The following METTL4 variants were observed in gnomAD, a reference collection of about 807,000 sequenced individuals.
The protein encoded by METTL4 is N(6)-adenine-specific methyltransferase METTL4.
In METTL4, 40 loss-of-function variants were observed where a neutral mutation model predicts 54.0. The observed-to-expected ratio is 0.74, with a 90% CI of 0.58 to 0.96. METTL4 has a LOEUF of 0.96. Among genes scored for constraint, METTL4 ranks in the 50% least tolerant of loss-of-function variants. The pLI is 0.00. For missense variants in METTL4, 525 were observed against 549.0 expected, an observed-to-expected ratio of 0.96 and a Z score of 0.44; for synonymous variants, 169 against 183.8, an observed-to-expected ratio of 0.92 and a Z score of 0.65.
At position 2,554,842 on chromosome 18, in the gene METTL4, A is replaced by C. The variant is rs2072214145; in HGVS notation, c.656T>G (p.Leu219Ter). 1 of 1,613,796 alleles carries C rather than the reference A, an allele frequency of 6.2e-7. No homozygotes were observed. The highest frequency in any genetic ancestry group is 8.5e-7 in the Non-Finnish European group (1 of 1,179,874). Residue 219 changes from leucine to a stop codon, truncating the protein, a stop_gained, in exon 4 of 9, where the codon TTA (leucine) becomes TGA (stop). Coordinates refer to ENST00000574538, the MANE Select transcript of METTL4 (RefSeq NM_022840.5). LOFTEE classifies it high-confidence loss of function. ...AGATGTATCCTCTTCCACCAATTGT[A>C]ATGTCTGATGTTCCATTTCATTCAG... ...PSLNEMEHQT[L>*]QLVEEDTSVT...
intron 3 of METTL4, among the ~76,000 whole-genome samples, chr18:2,555,843 TA>T (rs33960748): frequency 0.11 from 15,759 of 142,754 alleles, 1,379 homozygotes; most frequent in African/African-American, 0.25. Flanking sequence ...TTGGTATGTT[TA>T]AAAAAAAAAA....
intron 1 of METTL4, among the ~76,000 whole-genome samples, chr18:2,569,927 T>C (rs2072478125): frequency 6.6e-6 from 1 of 152,190 alleles, no homozygotes; most frequent in East Asian, 1.9e-4. Context: ...TCCTCAGCCC[T>C]GCCACCTTCT....
chr18:2,568,332 G>C lies in METTL4; in HGVS notation c.-438-678C>G, dbSNP rs557377785. On this transcript the variant is annotated intron_variant, in intron 1 of 8. Transcript: ENST00000574538. Reference sequence around the variant, plus strand: ...GTGACACTATCTAAAGATAGAAATAGTGTCAGAAATGAATTAGAGGGAAGA... The same window carrying C: ...GTGACACTATCTAAAGATAGAAATACTGTCAGAAATGAATTAGAGGGAAGA... The C allele has an allele frequency of 2.6e-5, 4 of 152,320 alleles. No individual in the cohort carries two copies. The East Asian group carries it at 7.7e-4, about 29-fold the overall frequency. 9.4% of individuals were successfully genotyped at this position (152,320 alleles called of 1,614,324 possible).
In METTL4 at chr18:2,544,224, G is replaced by C. The variant is rs1323495168; in HGVS notation, c.1244C>G (p.Thr415Ser). The change falls in exon 8 of 9, where the codon ACT becomes AGT. Residue 415 changes from threonine (T) to serine (S), a missense_variant. Thr to Ser is a moderately conservative substitution (Grantham distance 58, BLOSUM62 1). Transcript: ENST00000574538. ...DHKLIVSVPC[T>S]LHSHKPPLAE... Reference sequence around the variant, plus strand: ...AAGCGGTGGCTTATGTGAGTGAAGAGTACAGGGCACGCTGACAATTAATTT... The same window carrying C: ...AAGCGGTGGCTTATGTGAGTGAAGACTACAGGGCACGCTGACAATTAATTT... The C allele has an allele frequency of 6.2e-7, 1 of 1,613,138 alleles. No homozygotes were observed. Among genetic ancestry groups the C allele is most frequent in the East Asian group, 2.2e-5 (1 of 44,846 alleles).
rs754537967 is a variant in METTL4 at position 2,552,707 on chromosome 18, T to G, written c.887A>C (p.Lys296Thr). The change falls in exon 5 of 9, where the codon AAA (lysine) becomes ACA (threonine). Residue 296 changes from lysine to threonine, a missense_variant. Coordinates refer to ENST00000574538, the MANE Select transcript of METTL4 (RefSeq NM_022840.5). Reference sequence around the variant, plus strand: ...CATTTCCACTTACCTATTACTTCTTTTAACTGATTTGTTCTGCCATGGTGG... The same window carrying G: ...CATTTCCACTTACCTATTACTTCTTGTAACTGATTTGTTCTGCCATGGTGG... ...IDPPWQNKSV[K>T]RSNRYSYLSP... 8 of 1,610,518 alleles carry G rather than the reference T, an allele frequency of 5.0e-6. No individual in the cohort carries two copies. In the South Asian group the frequency reaches 7.7e-5, roughly 16 times the overall value.
intron 2 of METTL4, among the ~76,000 whole-genome samples, chr18:2,566,054 T>A (rs201781070): frequency 0.024 from 691 of 29,104 alleles, 38 homozygotes; most frequent in African/African-American, 0.042. Flanking sequence ...CTCAAATAAA[T>A]AAATAAATAA....
At chr18:2,559,502 G>A (rs888884531) in intron 3 of METTL4, among the ~76,000 whole-genome samples, 7 of 152,016 alleles carry the variant, frequency 4.6e-5, no homozygotes, top group African/African-American at 1.7e-4. Flanking sequence ...TGGTAATGAT[G>A]GCATGACACT....
chr18:2,537,681 A>T lies in METTL4; in HGVS notation c.*1319T>A, dbSNP rs2071931310. 1 of 393,662 alleles carries T rather than the reference A, an allele frequency of 2.5e-6. No individual in the cohort carries two copies. Among genetic ancestry groups the T allele is most frequent in the Non-Finnish European group, 4.5e-6 (1 of 223,398 alleles). 24.4% of individuals were successfully genotyped at this position (393,662 alleles called of 1,614,324 possible). On this transcript the variant is annotated 3_prime_UTR_variant, in exon 9 of 9. Transcript: ENST00000574538. ...AAATAACATATTTTTCTTTGACAAA[A>T]TCAGTAAATTGGCAAGCTTGTCAAA...
rs1173086599 is a variant in METTL4, at chr18:2,571,350, C to T, written c.-640G>A. The T allele has an allele frequency of 6.6e-6, 1 of 152,294 alleles. No homozygotes were observed. The highest frequency in any genetic ancestry group is 2.4e-5 in the African/African-American group (1 of 41,456). The allele number at this position is 152,294 out of a possible 1,614,324, so 9.4% of individuals were successfully genotyped here. ...CGAGTTGAGCGTTCAGGGCACTCCT[C>T]GGCGCTCAAGCTGCCCACAGGTCTT... is the stretch of plus-strand genomic sequence containing the variant. On this transcript the variant is annotated 5_prime_UTR_variant, in exon 1 of 9. Coordinates refer to ENST00000574538, the MANE Select transcript of METTL4 (RefSeq NM_022840.5).
rs71356053 is a variant in METTL4 at position 2,546,999 on chromosome 18, G to A, written c.1074+356C>T. Reference sequence around the variant, plus strand: ...GTGGTTGAAACTGTGAGTATATAAAGGGAAGAAGATGAAGAGTAAGACTAT... The same window carrying A: ...GTGGTTGAAACTGTGAGTATATAAAAGGAAGAAGATGAAGAGTAAGACTAT... On this transcript the variant is annotated intron_variant, in intron 6 of 8. Transcript: ENST00000574538. 6.5e-4 allele frequency among the ~76,000 whole-genome samples: 99 copies of A among 152,266 alleles called. No individual in the cohort carries two copies. The Middle Eastern group carries it at 0.014, about 21-fold the overall frequency.
At chr18:2,563,467 G>A (rs941832386) in intron 3 of METTL4, among the ~76,000 whole-genome samples, 1 of 151,676 alleles carries the variant, frequency 6.6e-6, no homozygotes, top group African/African-American at 2.4e-5. Context: ...GGTGGCACAC[G>A]CCTATAATCC....
At chr18:2,558,735 G>C (rs964862919) in intron 3 of METTL4, among the ~76,000 whole-genome samples, 1 of 151,624 alleles carries the variant, frequency 6.6e-6, no homozygotes, top group Admixed American at 6.6e-5. Context: ...TATCTGATAG[G>C]GGGTTAATAT....
chr18:2,537,532 A>G lies in METTL4; in HGVS notation c.*1468T>C, dbSNP rs551983355. The G allele has an allele frequency of 1.3e-3, 241 of 189,328 alleles. 3 individuals carry two copies. The highest frequency in any genetic ancestry group is 5.1e-3 in the African/African-American group (220 of 43,220). The allele number at this position is 189,328 out of a possible 1,614,324, so 11.7% of individuals were successfully genotyped here. The stretch of plus-strand genomic sequence containing the variant: ...AGCTGGAAAGAATTCAAATGAGATC[A>G]TGAGAAGTTTGCTTCAAGTTTAATA... On this transcript the variant is annotated 3_prime_UTR_variant, in exon 9 of 9. Transcript: ENST00000574538.
Position 2,563,879 on chromosome 18 carries a change from C to G in METTL4, c.397-20G>C. 6.3e-7 allele frequency: 1 copy of G among 1,586,952 alleles called. No individual in the cohort carries two copies. On this transcript the variant is annotated intron_variant, in intron 2 of 8. Transcript: ENST00000574538. ...ACGCTTCTAAAGGGTAGATCAATTA[C>G]AGGGGAAAAGTTATGTTGCCATTAA... is the stretch of plus-strand genomic sequence containing the variant.
At chr18:2,552,191 C>CAAAATAAAATAAAATAAAATAAAAT (rs553206325) in intron 5 of METTL4, among the ~76,000 whole-genome samples, 30 of 149,660 alleles carry the variant, frequency 2.0e-4, no homozygotes, top group African/African-American at 6.2e-4. Context: ...GACTCCATCT[C>CAAAATAAAATAAAATAAAATAAAAT]AAAATAAAAT....
chr18:2,562,463 A>C lies in METTL4; in HGVS notation c.459+1334T>G, dbSNP rs2072336016. Among the ~76,000 whole-genome samples, 4 of 152,178 alleles carry C rather than the reference A, an allele frequency of 2.6e-5. 1 individual carries two copies. Among genetic ancestry groups the C allele is most frequent in the Admixed American group, 2.6e-4 (4 of 15,288 alleles). ...AAAAAAGCAGGGACTCAAAACAGATACTTGTACACCAATGTTCACAGAAAC... is the reference window on the plus strand; with the variant it reads ...AAAAAAGCAGGGACTCAAAACAGATCCTTGTACACCAATGTTCACAGAAAC... On this transcript the variant is annotated intron_variant, in intron 3 of 8. Transcript: ENST00000574538.
intron 3 of METTL4, among the ~76,000 whole-genome samples, chr18:2,559,315 G>A (rs897538524): frequency 6.6e-6 from 1 of 152,172 alleles, no homozygotes; most frequent in Non-Finnish European, 1.5e-5. Context: ...ATGCTACATG[G>A]ATGAACCTTG....
Position 2,547,452 on chromosome 18 carries a change from G to A in METTL4, c.977C>T (p.Thr326Ile). Reference protein sequence around the residue: ...KLAAPNCLLVTWVTNRQKHLR... With the variant: ...KLAAPNCLLVIWVTNRQKHLR... ...GTGCTTCTGTCTATTGGTCACCCAA[G>A]TAACAAGAAGACAGTTTGGAGCAGC... The change falls in exon 6 of 9, where the codon ACT becomes ATT. Residue 326 changes from threonine to isoleucine, a missense_variant. Thr to Ile is a moderately conservative substitution (Grantham distance 89). Transcript: ENST00000574538. 1.2e-6 allele frequency: 2 copies of A among 1,612,418 alleles called. No homozygotes were observed. Among genetic ancestry groups the A allele is most frequent in the South Asian group, 2.2e-5 (2 of 90,886 alleles).
At position 2,552,724 on chromosome 18, in the gene METTL4, C is replaced by G; in HGVS notation, c.870G>C (p.Trp290Cys). ...TFDVIVIDPP[W>C]QNKSVKRSNR... ...TACTTCTTTTAACTGATTTGTTCTG[C>G]CATGGTGGATCTATCACAATTACAT... Residue 290 changes from tryptophan (W) to cysteine (C), a missense_variant, in exon 5 of 9, where the codon TGG (tryptophan) becomes TGC (cysteine). Trp to Cys is a radical substitution (Grantham distance 215). Transcript: ENST00000574538. 1 of 1,611,180 alleles carries G rather than the reference C, an allele frequency of 6.2e-7. No individual in the cohort carries two copies. The highest frequency in any genetic ancestry group is 8.5e-7 in the Non-Finnish European group (1 of 1,178,906).
Sources: allele counts gnomAD v4.1 joint callset (sites outside exome capture counted in the v4.1 genomes callset), GRCh38; gene constraint gnomAD v4.1.1; transcripts MANE v1.5; gene names NCBI Gene and HGNC (gene_info 2026-07-23, HGNC 2026-07-21).